GMPS: variants seen among roughly 807,000 people sequenced by gnomAD.
GMPS encodes the protein guanosine monophosphate synthase.
GMPS carries 15 observed loss-of-function variants against 77.9 expected under a neutral mutation model. The ratio of observed to expected loss-of-function variants is 0.19; its 90% CI spans 0.13 to 0.30. The LOEUF (loss-of-function observed/expected upper bound fraction) is 0.30, where lower values mean the gene tolerates loss of function less well. Among genes scored for constraint, GMPS ranks in the 10% least tolerant of loss-of-function variants. GMPS has a pLI of 1.00. For missense variants in GMPS, 590 were observed against 838.8 expected, an observed-to-expected ratio of 0.70 and a Z score of 3.66; for synonymous variants, 224 against 275.9, an observed-to-expected ratio of 0.81 and a Z score of 1.86.
intron 1 of GMPS, among the ~76,000 whole-genome samples, chr3:155,893,174 T>TG (rs1754515642): frequency 6.6e-6 from 1 of 152,310 alleles, no homozygotes; most frequent in African/African-American, 2.4e-5. Flanking sequence ...TTAATAATAA[T>TG]GCCCATGTAA....
In GMPS at chr3:155,888,563, A is replaced by G. The variant is rs372816862; in HGVS notation, c.28-4955A>G. Among the ~76,000 whole-genome samples, 291 of 150,388 alleles carry G rather than the reference A, an allele frequency of 1.9e-3. 2 individuals carry two copies. The highest frequency in any genetic ancestry group is 0.011 in the South Asian group (53 of 4,760). ...CTGCCTCCCGAGTAGCTAGGACCACAGGCACGTGCACCCACTCCCAGCTAA... is the reference window on the plus strand; with the variant it reads ...CTGCCTCCCGAGTAGCTAGGACCACGGGCACGTGCACCCACTCCCAGCTAA... On this transcript the variant is annotated intron_variant, in intron 1 of 15. Coordinates refer to ENST00000496455, the MANE Select transcript of GMPS (RefSeq NM_003875.3).
At chr3:155,918,596 G>A (rs1755242612) in intron 9 of GMPS, among the ~76,000 whole-genome samples, 1 of 152,122 alleles carries the variant, frequency 6.6e-6, no homozygotes, top group Non-Finnish European at 1.5e-5. Context: ...TTGGAGAAAT[G>A]TCTATTCGTA....
Position 155,942,116 on chromosome 3 carries a change from C to T in GMPS, c.*4424C>T. Reference sequence around the variant, plus strand: ...GTTTTGTTTTGTTTTTTTTTTAAGACAGAGTCTCGCTCTGTCCCCAAGTGC... The same window carrying T: ...GTTTTGTTTTGTTTTTTTTTTAAGATAGAGTCTCGCTCTGTCCCCAAGTGC... On this transcript the variant is annotated 3_prime_UTR_variant, in exon 16 of 16. Transcript: ENST00000496455. The T allele has an allele frequency of 5.3e-6, 1 of 189,514 alleles. No individual in the cohort carries two copies. The highest frequency in any genetic ancestry group is 1.1e-5 in the Non-Finnish European group (1 of 90,626). The allele number at this position is 189,514 out of a possible 1,614,324, so 11.7% of individuals were successfully genotyped here.
At chr3:155,935,260 T>A (rs975309053) in intron 14 of GMPS, among the ~76,000 whole-genome samples, 1 of 152,232 alleles carries the variant, frequency 6.6e-6, no homozygotes, top group Non-Finnish European at 1.5e-5. Flanking sequence ...CTTGGTTCAC[T>A]TCAGCCTCTG....
At position 155,906,201 on chromosome 3, in the gene GMPS, A is replaced by G. The variant is rs370614063; in HGVS notation, c.464A>G (p.Asp155Gly). Residue 155 changes from aspartate (D) to glycine (G), a missense_variant, in exon 5 of 16, where the codon GAT becomes GGT. Coordinates refer to ENST00000496455, the MANE Select transcript of GMPS (RefSeq NM_003875.3). ...GAAGTTGTTTTGCTTACACATGGAGATAGTGTAGACAAAGTAGCTGATGGA... is the reference window on the plus strand; with the variant it reads ...GAAGTTGTTTTGCTTACACATGGAGGTAGTGTAGACAAAGTAGCTGATGGA... ...KEEVVLLTHG[D>G]SVDKVADGFK... The G allele has an allele frequency of 1.2e-6, 2 of 1,611,458 alleles. No individual in the cohort carries two copies. Among genetic ancestry groups the G allele is most frequent in the East Asian group, 4.5e-5 (2 of 44,788 alleles).
intron 12 of GMPS, 138 bp from the exon 13 acceptor site, chr3:155,931,627 C>T (rs62287804): frequency 0.059 from 27,809 of 467,888 alleles, 1,398 homozygotes; most frequent in South Asian, 0.15. Flanking sequence ...TCCAAAAATC[C>T]ATTAATAATG....
At chr3:155,897,110 C>A (rs1200624821) in intron 2 of GMPS, among the ~76,000 whole-genome samples, 2 of 151,940 alleles carry the variant, frequency 1.3e-5, no homozygotes, top group Non-Finnish European at 2.9e-5. Context: ...CCCAGTGTTT[C>A]CAGATTTTTT....
In GMPS at chr3:155,918,729, G is replaced by A. The variant is rs537731132; in HGVS notation, c.1213-504G>A. Among the ~76,000 whole-genome samples, 55 of 152,080 alleles carry A rather than the reference G, an allele frequency of 3.6e-4. 1 individual carries two copies. The highest frequency in any genetic ancestry group is 1.3e-3 in the African/African-American group (54 of 41,504). On this transcript the variant is annotated intron_variant, in intron 9 of 15. Transcript: ENST00000496455. ...GATTATTTCATCACCCAGGTATTAG[G>A]CCTAGTACCCATTAGCTTTGCTTAT...
intron 1 of GMPS, among the ~76,000 whole-genome samples, chr3:155,888,954 C>G (rs1413983689): frequency 2.6e-5 from 4 of 151,970 alleles, no homozygotes. Flanking sequence ...CTCATGGGCT[C>G]AAGCGATCTG....
chr3:155,886,975 C>T (rs1754354596), intron 1 of GMPS, among the ~76,000 whole-genome samples: 1 of 152,046 alleles, frequency 6.6e-6, no homozygotes, highest in Non-Finnish European at 1.5e-5. Context: ...TTAACAATGG[C>T]AATGATAGTT....
At chr3:155,888,873 C>T (rs1046740292) in intron 1 of GMPS, among the ~76,000 whole-genome samples, 7 of 11,892 alleles carry the variant, frequency 5.9e-4, no homozygotes, top group Admixed American at 2.1e-3. Context: ...GTGTGAGCCA[C>T]GGCACCTGGC....
chr3:155,893,442 G>T (rs1161318137), intron 1 of GMPS, 76 bp from the exon 2 acceptor site: 2 of 934,972 alleles, frequency 2.1e-6, no homozygotes, highest in Non-Finnish European at 3.2e-6. Context: ...AGCTGACAGT[G>T]ATCATTAATT....
At chr3:155,923,865 A>G (rs1253618170) in intron 11 of GMPS, among the ~76,000 whole-genome samples, 2 of 151,198 alleles carry the variant, frequency 1.3e-5, no homozygotes, top group African/African-American at 2.4e-5. Context: ...AAGGTTGAGA[A>G]CCATTGTTTT....
intron 5 of GMPS, among the ~76,000 whole-genome samples, chr3:155,909,945 A>G (rs1754986029): frequency 1.3e-5 from 2 of 151,698 alleles, no homozygotes; most frequent in Admixed American, 6.6e-5. Flanking sequence ...TACCCTGTCT[A>G]AAAAATAAAA....
rs975521262 is a variant in GMPS, at chr3:155,943,566, A to C, written c.*5874A>C. The C allele has an allele frequency of 2.8e-5, 5 of 179,016 alleles. No individual in the cohort carries two copies. Among genetic ancestry groups the C allele is most frequent in the Non-Finnish European group, 4.8e-5 (4 of 83,436 alleles). 11.1% of individuals were successfully genotyped at this position (179,016 alleles called of 1,614,324 possible). On this transcript the variant is annotated 3_prime_UTR_variant, in exon 16 of 16. Coordinates refer to ENST00000496455, the MANE Select transcript of GMPS (RefSeq NM_003875.3). ...ATTTTTTATAAAGAAATATTTTGTT[A>C]ATTGGAGTAAGTAGTATTGTTATGA... is the stretch of plus-strand genomic sequence containing the variant.
chr3:155,927,878 T>C (rs1755496321), intron 12 of GMPS, among the ~76,000 whole-genome samples: 1 of 152,180 alleles, frequency 6.6e-6, no homozygotes, highest in Non-Finnish European at 1.5e-5. Flanking sequence ...TGTTCCCTCA[T>C]ATTCTATGCA....
intron 2 of GMPS, among the ~76,000 whole-genome samples, chr3:155,895,056 T>A (rs982053313): frequency 1.3e-5 from 2 of 152,182 alleles, no homozygotes; most frequent in African/African-American, 4.8e-5. Context: ...ACTAACAGAC[T>A]AAACAGATAC....
chr3:155,917,973 C>T lies in GMPS; in HGVS notation c.1213-1260C>T, dbSNP rs149241795. Among the ~76,000 whole-genome samples the T allele has an allele frequency of 1.6e-3, 237 of 152,258 alleles. 1 individual carries two copies. The highest frequency in any genetic ancestry group is 5.4e-3 in the African/African-American group (225 of 41,542). On this transcript the variant is annotated intron_variant, in intron 9 of 15. Coordinates refer to ENST00000496455, the MANE Select transcript of GMPS (RefSeq NM_003875.3). ...TTTGTTTATCTTTTGGATATATGCC[C>T]AGAATTGGGATTGCTGGATCATATG... is the stretch of plus-strand genomic sequence containing the variant.
At chr3:155,881,166 T>G (rs2108054295) in intron 1 of GMPS, among the ~76,000 whole-genome samples, 1 of 15,842 alleles carries the variant, frequency 6.3e-5, no homozygotes, top group African/African-American at 2.2e-4. Flanking sequence ...TGATATTAGT[T>G]TTTTTTTTTT....
Sources: allele counts gnomAD v4.1 joint callset (sites outside exome capture counted in the v4.1 genomes callset), GRCh38; gene constraint gnomAD v4.1.1; transcripts MANE v1.5; gene names NCBI Gene and HGNC (gene_info 2026-07-23, HGNC 2026-07-21).